The following GPATCH2 variants were observed in gnomAD, a reference collection of about 807,000 sequenced individuals.
GPATCH2 encodes the protein G-patch domain containing 2.
In GPATCH2, 51 loss-of-function variants were observed where a neutral mutation model predicts 58.0. The ratio of observed to expected loss-of-function variants is 0.88; its 90% CI spans 0.70 to 1.11. GPATCH2 has a LOEUF of 1.11. Among genes scored for constraint, GPATCH2 ranks in the 50% most tolerant of loss-of-function variants. The pLI, the probability that GPATCH2 is intolerant of heterozygous loss-of-function variation, is 0.00. For synonymous variants in GPATCH2, 222 were observed against 218.5 expected, an observed-to-expected ratio of 1.02 and a Z score of -0.14; for missense variants, 625 against 652.2, an observed-to-expected ratio of 0.96 and a Z score of 0.45.
chr1:217,532,634 G>A (rs1664248996), intron 5 of GPATCH2, among the ~76,000 whole-genome samples: 1 of 152,120 alleles, frequency 6.6e-6, no homozygotes, highest in South Asian at 2.1e-4. Context: ...TGGTAGGGAA[G>A]AGGAACCCCT....
At chr1:217,456,079 G>A (rs550557697) in intron 8 of GPATCH2, among the ~76,000 whole-genome samples, 12 of 152,134 alleles carry the variant, frequency 7.9e-5, no homozygotes, top group East Asian at 1.9e-4. Context: ...ATAAAAGCCC[G>A]GCATTTACCA....
intron 5 of GPATCH2, among the ~76,000 whole-genome samples, chr1:217,583,415 C>A (rs1295244540): frequency 2.0e-5 from 3 of 151,382 alleles, no homozygotes; most frequent in Non-Finnish European, 4.4e-5. Flanking sequence ...ACTAAAAATA[C>A]AAAAATTAGC....
Position 217,629,823 on chromosome 1 carries a change from A to G in GPATCH2, c.56+1093T>C, listed in dbSNP as rs886809371. Reference sequence around the variant, plus strand: ...ATTTACAAATAGTATAATCAAATCTATATTCACTATAAAATTAACTACAGG... The same window carrying G: ...ATTTACAAATAGTATAATCAAATCTGTATTCACTATAAAATTAACTACAGG... On this transcript the variant is annotated intron_variant, in intron 1 of 9. Transcript: ENST00000366935. Among the ~76,000 whole-genome samples the G allele has an allele frequency of 2.0e-5, 3 of 152,358 alleles. No individual in the cohort carries two copies. In the South Asian group the frequency reaches 6.2e-4, roughly 32 times the overall value.
intron 5 of GPATCH2, among the ~76,000 whole-genome samples, chr1:217,563,629 G>A (rs1666039742): frequency 6.6e-6 from 1 of 152,096 alleles, no homozygotes; most frequent in Admixed American, 6.5e-5. Context: ...ATTAAAACAG[G>A]AGAGAAATAA....
At chr1:217,471,616 T>G (rs1378174402) in intron 8 of GPATCH2, among the ~76,000 whole-genome samples, 1 of 152,200 alleles carries the variant, frequency 6.6e-6, no homozygotes, top group Non-Finnish European at 1.5e-5. Context: ...TGTTCTGTAT[T>G]AATGTAAATA....
At chr1:217,481,206 C>G (rs7354825) in intron 8 of GPATCH2, among the ~76,000 whole-genome samples, 14,572 of 152,108 alleles carry the variant, frequency 0.096, 1,345 homozygotes, top group African/African-American at 0.24. Context: ...ATGGATACCC[C>G]ATTTTCCATA....
chr1:217,494,291 G>C (rs972214763), intron 7 of GPATCH2, among the ~76,000 whole-genome samples: 1 of 152,130 alleles, frequency 6.6e-6, no homozygotes, highest in Non-Finnish European at 1.5e-5. Flanking sequence ...TTATACATCT[G>C]GGGATACCAC....
chr1:217,488,094 C>T (rs766153791), intron 8 of GPATCH2, among the ~76,000 whole-genome samples: 2 of 152,138 alleles, frequency 1.3e-5, no homozygotes, highest in Non-Finnish European at 2.9e-5. Flanking sequence ...AACTGAATCA[C>T]ATTCCAGTAA....
intron 9 of GPATCH2, among the ~76,000 whole-genome samples, chr1:217,435,224 G>A (rs1381164354): frequency 6.6e-6 from 1 of 152,106 alleles, no homozygotes; most frequent in Non-Finnish European, 1.5e-5. Flanking sequence ...TCCTGCTCAG[G>A]CAGCTTTAGC....
At chr1:217,470,312 T>A (rs1660664207) in intron 8 of GPATCH2, among the ~76,000 whole-genome samples, 2 of 152,218 alleles carry the variant, frequency 1.3e-5, no homozygotes, top group African/African-American at 4.8e-5. Flanking sequence ...ATCCTAGAGA[T>A]GAGAGGCTGT....
At chr1:217,519,398 T>G (rs1663336647) in intron 5 of GPATCH2, among the ~76,000 whole-genome samples, 1 of 152,192 alleles carries the variant, frequency 6.6e-6, no homozygotes, top group Admixed American at 6.5e-5. Context: ...AAAAATTACT[T>G]TAGAATTGCT....
chr1:217,487,031 C>T (rs1298335523), intron 8 of GPATCH2, among the ~76,000 whole-genome samples: 1 of 152,162 alleles, frequency 6.6e-6, no homozygotes, highest in Non-Finnish European at 1.5e-5. Flanking sequence ...AGGCAATGGC[C>T]AATGATAAAA....
chr1:217,619,682 C>G (rs903696048), intron 2 of GPATCH2, 101 bp downstream of exon 2: 2 of 462,188 alleles, frequency 4.3e-6, no homozygotes, highest in Admixed American at 3.9e-5. Context: ...ATCATTATTA[C>G]AATTTATAAT....
intron 5 of GPATCH2, among the ~76,000 whole-genome samples, chr1:217,561,291 T>C (rs1265407722): frequency 1.3e-5 from 2 of 152,160 alleles, no homozygotes; most frequent in Non-Finnish European, 2.9e-5. Context: ...AAAATAATCA[T>C]AAACACCATT....
intron 6 of GPATCH2, among the ~76,000 whole-genome samples, chr1:217,501,746 T>A (rs1447666972): frequency 2.6e-5 from 4 of 152,156 alleles, no homozygotes; most frequent in Non-Finnish European, 5.9e-5. Context: ...TCCTCCTTGG[T>A]AAAATGGATG....
chr1:217,529,480 G>A (rs1003072052), intron 5 of GPATCH2, among the ~76,000 whole-genome samples: 10 of 152,110 alleles, frequency 6.6e-5, no homozygotes, highest in Non-Finnish European at 1.3e-4. Context: ...CCAGGACATC[G>A]CTCAGGTTTT....
At chr1:217,459,623 T>C (rs1660111911) in intron 8 of GPATCH2, among the ~76,000 whole-genome samples, 1 of 152,182 alleles carries the variant, frequency 6.6e-6, no homozygotes, top group South Asian at 2.1e-4. Flanking sequence ...AAAAAACCTA[T>C]CAAAATAGAC....
chr1:217,582,943 C>T (rs927989666), intron 5 of GPATCH2, among the ~76,000 whole-genome samples: 3 of 152,158 alleles, frequency 2.0e-5, no homozygotes, highest in Admixed American at 1.3e-4. Flanking sequence ...TGTAAGAATC[C>T]GTATTACAGC....
intron 9 of GPATCH2, among the ~76,000 whole-genome samples, chr1:217,435,546 C>T (rs910253513): frequency 6.6e-6 from 1 of 152,194 alleles, no homozygotes; most frequent in Admixed American, 6.5e-5. Context: ...TCCCATAGAA[C>T]AGCTAGTGCA....
Sources: gnomAD v4.1 joint callset for allele counts (sites outside exome capture counted in the v4.1 genomes callset) on GRCh38, gnomAD v4.1.1 for gene constraint, MANE v1.5 for transcripts, NCBI Gene and HGNC (gene_info 2026-07-23, HGNC 2026-07-21) for gene names.